ADAMTS2: variants seen among roughly 807,000 people sequenced by gnomAD.
ADAMTS2 encodes the protein ADAM metallopeptidase with thrombospondin type 1 motif 2.
Under a neutral mutation model 123.0 loss-of-function variants are expected in ADAMTS2, and 50 were observed. That is an observed-to-expected ratio of 0.41 (90% CI 0.32 to 0.51). The LOEUF (loss-of-function observed/expected upper bound fraction) is 0.51, where lower values mean the gene tolerates loss of function less well. Among genes scored for constraint, ADAMTS2 ranks in the 20% least tolerant of loss-of-function variants. ADAMTS2 has a pLI of 0.35. For synonymous variants in ADAMTS2, 678 were observed against 695.4 expected (o/e 0.98, Z 0.39); for missense variants, 1,494 against 1,705.2 (o/e 0.88, Z 2.18).
At chr5:179,159,661 C>T (rs1763559215) in intron 5 of ADAMTS2, among the ~76,000 whole-genome samples, 1 of 152,186 alleles carries the variant, frequency 6.6e-6, no homozygotes, top group Non-Finnish European at 1.5e-5. Flanking sequence ...ACTCTCTCTG[C>T]ACCATGACAT....
chr5:179,307,152 A>C lies in ADAMTS2; in HGVS notation c.535-34088T>G, dbSNP rs1561718593. ...CGGCCCAGACCCTCGCCCTGCTAGC[A>C]TGAGACAGACACAGGGGGCCCGCAC... is the stretch of plus-strand genomic sequence containing the variant. On this transcript the variant is annotated intron_variant, in intron 2 of 21. Coordinates refer to ENST00000251582, the MANE Select transcript of ADAMTS2 (RefSeq NM_014244.5). This position sits in a 1 kb window ranked among gnomAD's most constrained non-coding sequence, Gnocchi z 5.6. 2.6e-5 allele frequency among the ~76,000 whole-genome samples: 4 copies of C among 152,188 alleles called. No homozygotes were observed. The highest frequency in any genetic ancestry group is 1.3e-4 in the Admixed American group (2 of 15,280).
intron 3 of ADAMTS2, 133 bp from the exon 4 acceptor site, chr5:179,207,848 G>T: frequency 1.2e-6 from 1 of 804,652 alleles, no homozygotes; most frequent in Non-Finnish European, 2.1e-6. Context: ...CCATTTTACA[G>T]AGGAAAGCGA....
chr5:179,174,963 C>T (rs1763901010), intron 5 of ADAMTS2, among the ~76,000 whole-genome samples: 1 of 151,320 alleles, frequency 6.6e-6, no homozygotes. Context: ...GGCTCCGCAG[C>T]TGTCTCAGCC....
At chr5:179,201,241 A>G (rs1290037292) in intron 4 of ADAMTS2, among the ~76,000 whole-genome samples, 1 of 152,210 alleles carries the variant, frequency 6.6e-6, no homozygotes, top group African/African-American at 2.4e-5. Flanking sequence ...TCAGCAACTC[A>G]GCTTAAGGAA....
At chr5:179,338,494 C>T (rs3843495) in intron 2 of ADAMTS2, among the ~76,000 whole-genome samples, 2,926 of 152,270 alleles carry the variant, frequency 0.019, 50 homozygotes, top group Non-Finnish European at 0.03. Context: ...CCTCAGCTCA[C>T]GTAAGGCAGC....
intron 4 of ADAMTS2, among the ~76,000 whole-genome samples, chr5:179,200,244 C>CTTTTTTTTTT (rs1051856642): frequency 7.7e-4 from 80 of 103,676 alleles, no homozygotes; most frequent in Non-Finnish European, 1.2e-3. Flanking sequence ...CCTTTCTTTC[C>CTTTTTTTTTT]TTTTTTTTTT....
At chr5:179,310,539 C>G (rs1280081165) in intron 2 of ADAMTS2, among the ~76,000 whole-genome samples, 1 of 152,088 alleles carries the variant, frequency 6.6e-6, no homozygotes, top group Non-Finnish European at 1.5e-5. Flanking sequence ...CTCTGGGCCA[C>G]CCACCGGTGC....
chr5:179,287,292 C>T (rs1221041274), intron 2 of ADAMTS2, among the ~76,000 whole-genome samples: 1 of 152,172 alleles, frequency 6.6e-6, no homozygotes, highest in Non-Finnish European at 1.5e-5. Flanking sequence ...CCCATCTCAC[C>T]CTTCCTTCTA....
chr5:179,207,314 G>A (rs1325243267), intron 4 of ADAMTS2, among the ~76,000 whole-genome samples, 199 bp downstream of exon 4: 4 of 152,168 alleles, frequency 2.6e-5, no homozygotes, highest in Non-Finnish European at 4.4e-5. Flanking sequence ...ATGTGCAGAC[G>A]AGAGAACTGA....
At chr5:179,139,825 G>A in intron 11 of ADAMTS2, 65 bp downstream of exon 11, 5 of 1,604,592 alleles carry the variant, frequency 3.1e-6, no homozygotes, top group Non-Finnish European at 4.2e-6. Flanking sequence ...AGGGCTGGCT[G>A]GAGAGGGTCT....
intron 12 of ADAMTS2, among the ~76,000 whole-genome samples, 166 bp from the exon 13 acceptor site, chr5:179,136,208 C>G (rs1049630971): frequency 1.3e-5 from 2 of 152,206 alleles, no homozygotes; most frequent in African/African-American, 4.8e-5. Flanking sequence ...CCCTTCCTGT[C>G]TCTGTGTCTC....
rs1218717227 is a variant in ADAMTS2 at position 179,307,108 on chromosome 5, T to C, written c.535-34044A>G. On this transcript the variant is annotated intron_variant, in intron 2 of 21. Transcript: ENST00000251582. The surrounding 1 kb of genome is among the most constrained non-coding windows in gnomAD (Gnocchi z 5.6). The stretch of plus-strand genomic sequence containing the variant: ...AAGAAGAACCTCTCGGGGAAGTCAG[T>C]GGCCAGCCAGCCTAAGCCCGGCCCA... 6.6e-6 allele frequency among the ~76,000 whole-genome samples: 1 copy of C among 152,156 alleles called. No individual in the cohort carries two copies. Among genetic ancestry groups the C allele is most frequent in the Non-Finnish European group, 1.5e-5 (1 of 68,016 alleles).
At chr5:179,310,286 C>G (rs1238821214) in intron 2 of ADAMTS2, among the ~76,000 whole-genome samples, 2 of 152,226 alleles carry the variant, frequency 1.3e-5, no homozygotes, top group South Asian at 4.1e-4. Context: ...GCTCATACCA[C>G]AAGGCAGAAA....
chr5:179,340,819 G>C (rs1309241263), intron 2 of ADAMTS2, among the ~76,000 whole-genome samples: 2 of 152,106 alleles, frequency 1.3e-5, no homozygotes, highest in African/African-American at 2.4e-5. Context: ...ACGCCAAAAG[G>C]CTTCTCACTG....
rs1757049679 is a variant in ADAMTS2, at chr5:179,317,966, A to G, written c.534+25801T>C. On this transcript the variant is annotated intron_variant, in intron 2 of 21. Transcript: ENST00000251582. This position sits in a 1 kb window ranked among gnomAD's most constrained non-coding sequence, Gnocchi z 4.9. ...AGGGCTGGGGTGGAGCCGGGACATG[A>G]GGAACGGGCAGTGATGAATCTGAAG... is the stretch of plus-strand genomic sequence containing the variant. Among the ~76,000 whole-genome samples, 1 of 152,174 alleles carries G rather than the reference A, an allele frequency of 6.6e-6. No individual in the cohort carries two copies. The highest frequency in any genetic ancestry group is 2.1e-4 in the South Asian group (1 of 4,826).
In ADAMTS2 at chr5:179,130,844, C is replaced by T. The variant is rs1252189377; in HGVS notation, c.2291-746G>A. ...AAGCCTCTGCTTGGTGCCACACGTCCCTGCCTTCTCTCTGGCCCTTGCTCC... is the reference window on the plus strand; with the variant it reads ...AAGCCTCTGCTTGGTGCCACACGTCTCTGCCTTCTCTCTGGCCCTTGCTCC... On this transcript the variant is annotated intron_variant, in intron 15 of 21. Transcript: ENST00000251582. This position sits in a 1 kb window ranked among gnomAD's most constrained non-coding sequence, Gnocchi z 4.3. Among the ~76,000 whole-genome samples, 1 of 152,122 alleles carries T rather than the reference C, an allele frequency of 6.6e-6. No individual in the cohort carries two copies. Among genetic ancestry groups the T allele is most frequent in the East Asian group, 1.9e-4 (1 of 5,164 alleles).
At chr5:179,114,967 C>A (rs955654401) in intron 21 of ADAMTS2, among the ~76,000 whole-genome samples, 1 of 152,182 alleles carries the variant, frequency 6.6e-6, no homozygotes, top group Non-Finnish European at 1.5e-5. Flanking sequence ...CTTATACTTG[C>A]CTCAACTTAC....
At chr5:179,224,957 CAG>C in intron 3 of ADAMTS2, among the ~76,000 whole-genome samples, 1 of 152,326 alleles carries the variant, frequency 6.6e-6, no homozygotes, top group East Asian at 1.9e-4. Flanking sequence ...TCTGGCCAAC[CAG>C]AGTGAGTCCA....
At chr5:179,210,684 A>T (rs927141062) in intron 3 of ADAMTS2, among the ~76,000 whole-genome samples, 7 of 152,196 alleles carry the variant, frequency 4.6e-5, no homozygotes, top group African/African-American at 7.2e-5. Context: ...GCTGGACAGG[A>T]CAAGGGGAGA....
Sources: gnomAD v4.1 joint callset for allele counts (sites outside exome capture counted in the v4.1 genomes callset) on GRCh38, gnomAD v4.1.1 for gene constraint, Gnocchi (gnomAD v3.1) non-coding constraint, MANE v1.5 for transcripts, NCBI Gene and HGNC (gene_info 2026-07-23, HGNC 2026-07-21) for gene names.